The following CAMTA1 variants were observed in gnomAD, a reference collection of about 807,000 sequenced individuals.
CAMTA1 encodes calmodulin binding transcription activator 1.
Under a neutral mutation model 170.9 loss-of-function variants are expected in CAMTA1, and 27 were observed. That is an observed-to-expected ratio of 0.16 (90% CI 0.12 to 0.22). The LOEUF (loss-of-function observed/expected upper bound fraction) is 0.22, where lower values mean the gene tolerates loss of function less well. CAMTA1 is among the 10% of genes least tolerant of loss of function. The pLI, the probability that CAMTA1 is intolerant of heterozygous loss-of-function variation, is 1.00. For synonymous variants in CAMTA1, 833 were observed against 891.5 expected (o/e 0.93, Z 1.17); for missense variants, 1,619 against 2,217.2 (o/e 0.73, Z 5.42).
intron 5 of CAMTA1, among the ~76,000 whole-genome samples, chr1:7,403,140 G>C (rs925412061): frequency 6.6e-6 from 1 of 152,108 alleles, no homozygotes; most frequent in Non-Finnish European, 1.5e-5. Context: ...ATCAGCTGAG[G>C]TCAGGAGTTC....
chr1:6,835,216 G>T (rs1160495701), intron 3 of CAMTA1, among the ~76,000 whole-genome samples: 1 of 152,168 alleles, frequency 6.6e-6, no homozygotes, highest in African/African-American at 2.4e-5. Flanking sequence ...GAAATGTTAA[G>T]GTGCAAATGA....
At chr1:7,226,437 T>C (rs371678365) in intron 4 of CAMTA1, among the ~76,000 whole-genome samples, 89 of 152,330 alleles carry the variant, frequency 5.8e-4, no homozygotes, top group African/African-American at 2.0e-3. Flanking sequence ...CCCTGTCCTT[T>C]AATTTCATTT....
chr1:7,070,947 G>T (rs1183685314), intron 3 of CAMTA1, among the ~76,000 whole-genome samples: 2 of 152,206 alleles, frequency 1.3e-5, no homozygotes, highest in African/African-American at 4.8e-5. Flanking sequence ...CGCTGACTTG[G>T]TGTGTGTTTT....
At chr1:7,512,694 C>G (rs990732112) in intron 6 of CAMTA1, among the ~76,000 whole-genome samples, 3 of 152,202 alleles carry the variant, frequency 2.0e-5, no homozygotes, top group African/African-American at 7.2e-5. Context: ...ATAGCAAAAC[C>G]CAGCATCCGT....
chr1:7,564,524 A>G (rs1485810824), intron 6 of CAMTA1, among the ~76,000 whole-genome samples: 1 of 152,224 alleles, frequency 6.6e-6, no homozygotes, highest in Non-Finnish European at 1.5e-5. Context: ...TGGCCCATGC[A>G]CCAAAAATGA....
At chr1:6,990,793 CTCTCTCTCTCTCTA>C (rs1557936897) in intron 3 of CAMTA1, among the ~76,000 whole-genome samples, 1 of 127,388 alleles carries the variant, frequency 7.9e-6, no homozygotes, top group East Asian at 2.1e-4. Flanking sequence ...CTGTCTCTCT[CTCTCTCTCTCTCTA>C]TATATATATA....
chr1:7,765,483 A>G (rs1267280623), intron 22 of CAMTA1, among the ~76,000 whole-genome samples: 1 of 152,236 alleles, frequency 6.6e-6, no homozygotes, highest in Non-Finnish European at 1.5e-5. Context: ...AGTATGTTTG[A>G]TGAATAGAAC....
intron 3 of CAMTA1, among the ~76,000 whole-genome samples, chr1:6,864,800 C>T (rs1666012008): frequency 6.6e-6 from 1 of 152,088 alleles, no homozygotes; most frequent in African/African-American, 2.4e-5. Context: ...CCACACTGTA[C>T]CCCTGATGCT....
In CAMTA1 at chr1:7,146,791, A is replaced by G. The variant is rs1272581544; in HGVS notation, c.302+55420A>G. On this transcript the variant is annotated intron_variant, in intron 4 of 22. Transcript: ENST00000303635. The surrounding 1 kb of genome is among the most constrained non-coding windows in gnomAD (Gnocchi z 4.3). ...ACACTTGAGCATCATGCACACATAT[A>G]TACCACACAAATATACACCATGTGC... 1.3e-5 allele frequency among the ~76,000 whole-genome samples: 2 copies of G among 151,896 alleles called. No individual in the cohort carries two copies. Among genetic ancestry groups the G allele is most frequent in the African/African-American group, 2.4e-5 (1 of 41,322 alleles).
chr1:7,281,799 T>TTGTGTGTGTGTGTG (rs57489369), intron 5 of CAMTA1, among the ~76,000 whole-genome samples: 2 of 139,218 alleles, frequency 1.4e-5, no homozygotes, highest in Non-Finnish European at 3.1e-5. Context: ...GGGAAAGAAA[T>TTGTGTGTGTGTGTG]TGTGTGTGTG....
Position 6,911,254 on chromosome 1 carries a change from G to A in CAMTA1, c.234+86044G>A, listed in dbSNP as rs79935517. ...AATGGCAGGCTGGCTCTGTGAGGTG[G>A]TCCTTGGAGGGAGTTGGGGCCCAGG... is the stretch of plus-strand genomic sequence containing the variant. On this transcript the variant is annotated intron_variant, in intron 3 of 22. Coordinates refer to ENST00000303635, the MANE Select transcript of CAMTA1 (RefSeq NM_015215.4). 8.0e-3 allele frequency among the ~76,000 whole-genome samples: 1,219 copies of A among 152,270 alleles called. 15 individuals are homozygous for A. The highest frequency in any genetic ancestry group is 0.027 in the African/African-American group (1,142 of 41,540).
At chr1:7,462,047 G>A (rs1483686221) in intron 5 of CAMTA1, among the ~76,000 whole-genome samples, 1 of 152,234 alleles carries the variant, frequency 6.6e-6, no homozygotes, top group Non-Finnish European at 1.5e-5. Flanking sequence ...TTTGAAGGAC[G>A]ATATAATCCA....
intron 3 of CAMTA1, among the ~76,000 whole-genome samples, chr1:6,901,803 T>C (rs370630616): frequency 4.6e-5 from 7 of 152,136 alleles, no homozygotes; most frequent in Admixed American, 3.3e-4. Context: ...CCCAGCACTT[T>C]GGGAGGCCAA....
At position 7,310,678 on chromosome 1, in the gene CAMTA1, T is replaced by TTCTC. The variant is rs70984069; in HGVS notation, c.438+61074_438+61077dup. ...TTCTTTCTTTCTTTCTTTCCTTTCT[T>TTCTC]TCTCTCTCTCTCTCTCTCTCTCTCT... On this transcript the variant is annotated intron_variant, in intron 5 of 22. Coordinates refer to ENST00000303635, the MANE Select transcript of CAMTA1 (RefSeq NM_015215.4). 3.3e-3 allele frequency among the ~76,000 whole-genome samples: 114 copies of TTCTC among 34,638 alleles called. 9 individuals carry two copies. Among genetic ancestry groups the TTCTC allele is most frequent in the African/African-American group, 5.6e-3 (39 of 6,956 alleles). 22.7% of individuals were successfully genotyped at this position (34,638 alleles called of 152,430 possible).
At chr1:6,881,463 A>AAAC (rs1212274088) in intron 3 of CAMTA1, among the ~76,000 whole-genome samples, 1 of 152,188 alleles carries the variant, frequency 6.6e-6, no homozygotes, top group East Asian at 1.9e-4. Flanking sequence ...TGAGATAGAC[A>AAAC]GAGATAGATT....
rs1032479448 is a variant in CAMTA1, at chr1:7,580,811, C to A, written c.511-59589C>A. Among the ~76,000 whole-genome samples the A allele has an allele frequency of 6.6e-6, 1 of 152,212 alleles. No homozygotes were observed. Among genetic ancestry groups the A allele is most frequent in the Non-Finnish European group, 1.5e-5 (1 of 68,042 alleles). On this transcript the variant is annotated intron_variant, in intron 6 of 22. Transcript: ENST00000303635. This position sits in a 1 kb window ranked among gnomAD's most constrained non-coding sequence, Gnocchi z 4.3. Reference sequence around the variant, plus strand: ...CCTCCCCAACCAAGATCTCCTCCAACCCGTGCCCATCACAAGCCCATCCTT... The same window carrying A: ...CCTCCCCAACCAAGATCTCCTCCAAACCGTGCCCATCACAAGCCCATCCTT...
chr1:7,187,908 T>C (rs1379090589), intron 4 of CAMTA1, among the ~76,000 whole-genome samples: 1 of 152,194 alleles, frequency 6.6e-6, no homozygotes, highest in Non-Finnish European at 1.5e-5. Flanking sequence ...ATTAGTCTGT[T>C]ATCACACTGC....
chr1:7,436,648 G>A (rs1465965345), intron 5 of CAMTA1, among the ~76,000 whole-genome samples: 1 of 152,218 alleles, frequency 6.6e-6, no homozygotes, highest in Non-Finnish European at 1.5e-5. Context: ...TACTAGAGCA[G>A]TTGAAGGCTG....
At chr1:7,073,529 A>G (rs1638917131) in intron 3 of CAMTA1, among the ~76,000 whole-genome samples, 1 of 152,176 alleles carries the variant, frequency 6.6e-6, no homozygotes, top group African/African-American at 2.4e-5. Flanking sequence ...GGACAGGGGG[A>G]TGAGGAAGAA....
Sources: gnomAD v4.1 joint callset for allele counts (sites outside exome capture counted in the v4.1 genomes callset) on GRCh38, gnomAD v4.1.1 for gene constraint, Gnocchi (gnomAD v3.1) non-coding constraint, MANE v1.5 for transcripts, NCBI Gene and HGNC (gene_info 2026-07-23, HGNC 2026-07-21) for gene names.